Variants in ZBTB47 observed in about 807,000 individuals in gnomAD.
The protein encoded by ZBTB47 is zinc finger and BTB domain containing 47.
In ZBTB47, 24 loss-of-function variants were observed where a neutral mutation model predicts 56.6. That is an observed-to-expected ratio of 0.42 (90% CI 0.31 to 0.60). The LOEUF is 0.60. Among genes scored for constraint, ZBTB47 ranks in the 20% least tolerant of loss-of-function variants. The pLI is 0.14. For synonymous variants in ZBTB47, 414 were observed against 418.9 expected (o/e 0.99, Z 0.14); for missense variants, 829 against 1,032.6 (o/e 0.80, Z 2.70).
Position 42,656,616 on chromosome 3 carries a change from T to G in ZBTB47, c.-81-1659T>G, listed in dbSNP as rs1710644347. On this transcript the variant is annotated intron_variant, in intron 1 of 5. Coordinates refer to ENST00000232974, the MANE Select transcript of ZBTB47 (RefSeq NM_145166.4). The surrounding 1 kb of genome is among the most constrained non-coding windows in gnomAD (Gnocchi z 5.8). The stretch of plus-strand genomic sequence containing the variant: ...GCCTTGGCCAGGGGCCTGGCCAGAC[T>G]GGGATGTGAGGGAACACAGGATGGC... Among the ~76,000 whole-genome samples the G allele has an allele frequency of 6.6e-6, 1 of 152,018 alleles. No individual in the cohort carries two copies. Among genetic ancestry groups the G allele is most frequent in the African/African-American group, 2.4e-5 (1 of 41,404 alleles).
intron 1 of ZBTB47, among the ~76,000 whole-genome samples, chr3:42,657,804 C>T (rs1022935322): frequency 3.3e-5 from 5 of 152,098 alleles, no homozygotes; most frequent in South Asian, 2.1e-4. Context: ...AGAGAATCCA[C>T]GGGGCTGAGG....
rs1277009914 is a variant in ZBTB47 at position 42,659,794 on chromosome 3, TGCACAGGCAGACAGACTGCGAG to T, written c.1440_1461del (p.His481AlafsTer6). The T allele has an allele frequency of 6.2e-7, 1 of 1,612,762 alleles. No homozygotes were observed. The highest frequency in any genetic ancestry group is 8.5e-7 in the Non-Finnish European group (1 of 1,179,268). On this transcript the variant is annotated frameshift_variant, in exon 2 of 6. Transcript: ENST00000232974. LOFTEE classifies it high-confidence loss of function. Reference sequence around the variant, plus strand: ...TTCCTGCTGGAGAGCGAGCTGCTGCTGCACAGGCAGACAGACTGCGAGCGCAACATCCAGGTGGGCCTCACGT... The same window carrying T: ...TTCCTGCTGGAGAGCGAGCTGCTGCTCGCAACATCCAGGTGGGCCTCACGT...
rs751511558 is a variant in ZBTB47 at position 42,664,431 on chromosome 3, G to C, written c.2077G>C (p.Gly693Arg). The change falls in exon 6 of 6, where the codon GGC (glycine) becomes CGC (arginine). Residue 693 changes from glycine to arginine, a missense_variant. This residue lies in a region of ZBTB47 where 115 missense variants were observed against 117.2 expected (regional missense o/e 0.98). Transcript: ENST00000232974. The part of the protein sequence containing the change: ...FRVSHTLAGD[G>R]VPAAPGLPPT... Reference sequence around the variant, plus strand: ...CGTCAGCCACACCCTGGCCGGCGACGGCGTCCCCGCTGCCCCAGGCCTGCC... The same window carrying C: ...CGTCAGCCACACCCTGGCCGGCGACCGCGTCCCCGCTGCCCCAGGCCTGCC... 4.5e-6 allele frequency: 7 copies of C among 1,541,138 alleles called. No homozygotes were observed. The South Asian group carries it at 4.8e-5, about 11-fold the overall frequency.
Position 42,664,588 on chromosome 3 carries a change from C to A in ZBTB47, c.2234C>A (p.Ala745Asp), listed in dbSNP as rs1710762308. The change falls in exon 6 of 6, where the codon GCC becomes GAC. Residue 745 changes from alanine (A) to aspartate (D), a missense_variant. By Grantham distance (126) the Ala-to-Asp change is moderately radical. Transcript: ENST00000232974. ...GCCAGCCCCGGCGGGAGGATGAACG[C>A]CAACAACTAGCTGCCGAGCTGCACC... The part of the protein sequence containing the change: ...TTASPGGRMN[A>D]NN 1.4e-6 allele frequency: 2 copies of A among 1,415,002 alleles called. No individual in the cohort carries two copies. Among genetic ancestry groups the A allele is most frequent in the Non-Finnish European group, 9.1e-7 (1 of 1,098,374 alleles). The allele number at this position is 1,415,002 out of a possible 1,614,324, so 87.7% of individuals were successfully genotyped here.
intron 3 of ZBTB47, 52 bp from the exon 4 acceptor site, chr3:42,662,960 G>T: frequency 7.2e-7 from 1 of 1,395,094 alleles, no homozygotes; most frequent in South Asian, 1.2e-5. Context: ...CCCAACGTCG[G>T]GGTGCTTGGG....
Position 42,665,785 on chromosome 3 carries a change from AG to A in ZBTB47, c.*1189del, listed in dbSNP as rs1710781421. 6.6e-6 allele frequency: 1 copy of A among 152,636 alleles called. No individual in the cohort carries two copies. The highest frequency in any genetic ancestry group is 2.1e-4 in the South Asian group (1 of 4,828). The allele number at this position is 152,636 out of a possible 1,614,324, so 9.5% of individuals were successfully genotyped here. On this transcript the variant is annotated 3_prime_UTR_variant, in exon 6 of 6. Coordinates refer to ENST00000232974, the MANE Select transcript of ZBTB47 (RefSeq NM_145166.4). ...CCTCGGGGGATTGGGGGGACTGGGG[AG>A]GCGCAGCCTAGACCCAATTGCTTGC...
Position 42,661,432 on chromosome 3 carries a change from T to C in ZBTB47, c.1474-53T>C, listed in dbSNP as rs1710718226. On this transcript the variant is annotated intron_variant, in intron 2 of 5. Transcript: ENST00000232974. ...AGACGGGGGCAGTAGCTTGCCCAAG[T>C]CCAAGACCCTGGGGACTCAGGACCC... 1.4e-5 allele frequency: 23 copies of C among 1,590,876 alleles called. No individual in the cohort carries two copies. In the South Asian group the frequency reaches 2.6e-4, roughly 18 times the overall value.
At chr3:42,661,760 C>A (rs796947197) in intron 3 of ZBTB47, 128 bp downstream of exon 3, 5 of 1,321,080 alleles carry the variant, frequency 3.8e-6, no homozygotes, top group Non-Finnish European at 5.1e-6. Context: ...AGCTAGGAGG[C>A]CTGGGGAGGT....
intron 2 of ZBTB47, 28 bp from the exon 3 acceptor site, chr3:42,661,457 C>G: frequency 6.2e-7 from 1 of 1,609,812 alleles, no homozygotes; most frequent in Non-Finnish European, 8.5e-7. Flanking sequence ...ACTCAGGACC[C>G]AGGGCCTCAA....
rs1710615714 is a variant in ZBTB47, at chr3:42,654,704, G to C, written c.-82+821G>C. On this transcript the variant is annotated intron_variant, in intron 1 of 5. Coordinates refer to ENST00000232974, the MANE Select transcript of ZBTB47 (RefSeq NM_145166.4). This position sits in a 1 kb window ranked among gnomAD's most constrained non-coding sequence, Gnocchi z 5.0. ...AGCGCCACGGCACCATGGTACGCAGGGCCCTGCCTGTCCCCCCGCTTATCC... is the reference window on the plus strand; with the variant it reads ...AGCGCCACGGCACCATGGTACGCAGCGCCCTGCCTGTCCCCCCGCTTATCC... The C allele has an allele frequency of 1.0e-6, 1 of 984,946 alleles. No homozygotes were observed. The highest frequency in any genetic ancestry group is 1.7e-5 in the African/African-American group (1 of 57,186). The allele number at this position is 984,946 out of a possible 1,614,324, so 61.0% of individuals were successfully genotyped here. A position where few individuals can be genotyped will look rare whatever the true frequency, so the allele number is the denominator to read the frequency against.
chr3:42,663,259 CTGAGG>C lies in ZBTB47; in HGVS notation c.1737+134_1737+138del. On this transcript the variant is annotated intron_variant, in intron 4 of 5. Coordinates refer to ENST00000232974, the MANE Select transcript of ZBTB47 (RefSeq NM_145166.4). This position sits in a 1 kb window ranked among gnomAD's most constrained non-coding sequence, Gnocchi z 5.1. ...GTCCAGAAAGAGAGAGCCCTGCCCT[CTGAGG>C]TCTGCAGCCCCTGCCTCCCACTCCC... The C allele has an allele frequency of 1.5e-6, 1 of 674,214 alleles. No individual in the cohort carries two copies. Among genetic ancestry groups the C allele is most frequent in the Non-Finnish European group, 2.6e-6 (1 of 385,970 alleles). The allele number at this position is 674,214 out of a possible 1,614,324, so 41.8% of individuals were successfully genotyped here.
Position 42,663,344 on chromosome 3 carries a change from C to G in ZBTB47, c.1737+217C>G, listed in dbSNP as rs1710744550. On this transcript the variant is annotated intron_variant, in intron 4 of 5. Transcript: ENST00000232974. This position sits in a 1 kb window ranked among gnomAD's most constrained non-coding sequence, Gnocchi z 5.1. Reference sequence around the variant, plus strand: ...CCCATCCTGCCCTTCCTTCCCCAACCCAGCCCCACACACTCAGGGTGGGAA... The same window carrying G: ...CCCATCCTGCCCTTCCTTCCCCAACGCAGCCCCACACACTCAGGGTGGGAA... Among the ~76,000 whole-genome samples the G allele has an allele frequency of 6.6e-6, 1 of 152,194 alleles. No homozygotes were observed. The highest frequency in any genetic ancestry group is 1.5e-5 in the Non-Finnish European group (1 of 68,008).
intron 3 of ZBTB47, among the ~76,000 whole-genome samples, chr3:42,662,638 G>A (rs1024006141): frequency 2.0e-5 from 3 of 152,212 alleles, no homozygotes; most frequent in Admixed American, 6.5e-5. Flanking sequence ...GAGAGGAAGC[G>A]GAGGTCCAGA....
In ZBTB47 at chr3:42,658,487, A is replaced by G. The variant is rs988090668; in HGVS notation, c.132A>G (p.Ser44=). Residue 44 remains serine, a synonymous_variant, in exon 2 of 6, where the codon TCA becomes TCG. Coordinates refer to ENST00000232974, the MANE Select transcript of ZBTB47 (RefSeq NM_145166.4). ...VLAAYSQFFH[S]LFTQNKQLQR... ...CCGCCTACAGCCAGTTCTTCCACTC[A>G]CTCTTCACCCAGAACAAGCAGCTGC... 1 of 1,536,896 alleles carries G rather than the reference A, an allele frequency of 6.5e-7. No homozygotes were observed. Among genetic ancestry groups the G allele is most frequent in the African/African-American group, 1.4e-5 (1 of 73,050 alleles).
rs746811113 is a variant in ZBTB47 at position 42,661,617 on chromosome 3, C to T, written c.1606C>T (p.Arg536Cys). 4 of 1,613,958 alleles carry T rather than the reference C, an allele frequency of 2.5e-6. No homozygotes were observed. Among genetic ancestry groups the T allele is most frequent in the East Asian group, 2.2e-5 (1 of 44,882 alleles). The stretch of plus-strand genomic sequence containing the variant: ...GAAGTTCTACACCATGGCCCACGTG[C>T]GTAAGCACATGGTTGGTAAGTCTGG... ...EKKFYTMAHV[R>C]KHMVAHTKDM... Residue 536 changes from arginine to cysteine, a missense_variant, in exon 3 of 6, where the codon CGT (arginine) becomes TGT (cysteine). Transcript: ENST00000232974.
rs1156956191 is a variant in ZBTB47 at position 42,664,438 on chromosome 3, C to T, written c.2084C>T (p.Pro695Leu). Reference sequence around the variant, plus strand: ...CACACCCTGGCCGGCGACGGCGTCCCCGCTGCCCCAGGCCTGCCCCCAACC... The same window carrying T: ...CACACCCTGGCCGGCGACGGCGTCCTCGCTGCCCCAGGCCTGCCCCCAACC... ...VSHTLAGDGV[P>L]AAPGLPPTQP... is the part of the protein sequence containing the mutation. Residue 695 changes from proline (P) to leucine (L), a missense_variant, in exon 6 of 6, where the codon CCC (proline) becomes CTC (leucine). Physicochemically the swap from Pro to Leu is moderately conservative, Grantham distance 98. Around this residue, in one of 6 missense-constraint regions of ZBTB47, gnomAD observed 115 missense variants for 117.2 expected, o/e 0.98. Transcript: ENST00000232974. 3.3e-6 allele frequency: 5 copies of T among 1,535,418 alleles called. No individual in the cohort carries two copies. Among genetic ancestry groups the T allele is most frequent in the Non-Finnish European group, 4.4e-6 (5 of 1,143,764 alleles).
chr3:42,654,557 C>T lies in ZBTB47; in HGVS notation c.-82+674C>T. 2 of 403,580 alleles carry T rather than the reference C, an allele frequency of 5.0e-6. No homozygotes were observed. Among genetic ancestry groups the T allele is most frequent in the South Asian group, 1.0e-4 (1 of 9,952 alleles). 25.0% of individuals were successfully genotyped at this position (403,580 alleles called of 1,614,324 possible). On this transcript the variant is annotated intron_variant, in intron 1 of 5. Coordinates refer to ENST00000232974, the MANE Select transcript of ZBTB47 (RefSeq NM_145166.4). This position sits in a 1 kb window ranked among gnomAD's most constrained non-coding sequence, Gnocchi z 5.0. ...CCCTGCGCCTCCGCCTGCCTGGCCGCGCCCCCGGGGGCCATGGTCGCGGGG... is the reference window on the plus strand; with the variant it reads ...CCCTGCGCCTCCGCCTGCCTGGCCGTGCCCCCGGGGGCCATGGTCGCGGGG...
chr3:42,653,392 G>A (rs1408070701), upstream of ZBTB47, among the ~76,000 whole-genome samples: 1 of 152,212 alleles, frequency 6.6e-6, no homozygotes, highest in African/African-American at 2.4e-5. Context: ...CATATGTGGG[G>A]AGGGGTGTGG....
Position 42,659,324 on chromosome 3 carries a change from T to C in ZBTB47, c.969T>C (p.Ser323=), listed in dbSNP as rs752227029. ...EEEEEEEDGH[S]EQEEEEEEEE... is the part of the protein sequence containing the mutation. ...AAGAAGAGGAGGAGGACGGGCACAG[T>C]GAGCAGGAAGAGGAAGAGGAGGAGG... The change falls in exon 2 of 6, where the codon AGT becomes AGC. Residue 323 remains serine (S), a synonymous_variant. Transcript: ENST00000232974. 1 of 1,462,892 alleles carries C rather than the reference T, an allele frequency of 6.8e-7. No individual in the cohort carries two copies. The highest frequency in any genetic ancestry group is 2.5e-5 in the East Asian group (1 of 40,594). The allele number at this position is 1,462,892 out of a possible 1,614,324, so 90.6% of individuals were successfully genotyped here. A position where few individuals can be genotyped will look rare whatever the true frequency, so the allele number is the denominator to read the frequency against.
Sources: gnomAD v4.1 joint callset for allele counts (sites outside exome capture counted in the v4.1 genomes callset) on GRCh38, gnomAD v4.1.1 for gene constraint, gnomAD v4.1.1 regional missense constraint, Gnocchi (gnomAD v3.1) non-coding constraint, MANE v1.5 for transcripts, NCBI Gene and HGNC (gene_info 2026-07-23, HGNC 2026-07-21) for gene names.